The following ANO9 variants were observed in gnomAD, a reference collection of about 807,000 sequenced individuals.
The protein encoded by ANO9 is anoctamin-9.
Under a neutral mutation model 100.5 loss-of-function variants are expected in ANO9, and 80 were observed. The observed-to-expected ratio is 0.80, with a 90% CI of 0.66 to 0.96. The LOEUF (loss-of-function observed/expected upper bound fraction) is 0.96. Among genes scored for constraint, ANO9 ranks in the 40% least tolerant of loss-of-function variants. The probability of loss-of-function intolerance (pLI) is 0.00; values close to 1 mark genes in which losing one functional copy is unlikely to be tolerated. For missense variants in ANO9, 1,064 were observed against 1,072.7 expected (o/e 0.99, Z 0.11); for synonymous variants, 473 against 435.6 (o/e 1.09, Z -1.07).
chr11:435,916 C>T (rs1164450497), intron 1 of ANO9, among the ~76,000 whole-genome samples: 5 of 150,240 alleles, frequency 3.3e-5, no homozygotes, highest in African/African-American at 1.2e-4. Flanking sequence ...CTAGTATGGT[C>T]TAGTCTAGTC....
chr11:430,441 C>A (rs375510350), intron 7 of ANO9, 38 bp from the exon 8 acceptor site: 5 of 732,980 alleles, frequency 6.8e-6, no homozygotes, highest in African/African-American at 4.2e-5. Flanking sequence ...TGTCAGGGGG[C>A]GGTGGGGGAG....
chr11:433,596 T>A, intron 3 of ANO9, 137 bp from the exon 4 acceptor site: 2 of 1,428,126 alleles, frequency 1.4e-6, no homozygotes, highest in Admixed American at 5.1e-5. Flanking sequence ...CATCTGCCGC[T>A]GTGGCCCAGA....
intron 1 of ANO9, among the ~76,000 whole-genome samples, chr11:437,636 G>A (rs1282696021): frequency 3.3e-5 from 5 of 152,184 alleles, no homozygotes; most frequent in Non-Finnish European, 4.4e-5. Context: ...AGGAAGGGGC[G>A]TGGCACCTGC....
chr11:436,572 A>G (rs1849563887), intron 1 of ANO9, among the ~76,000 whole-genome samples: 1 of 150,694 alleles, frequency 6.6e-6, no homozygotes, highest in African/African-American at 2.4e-5. Context: ...CACGGCTAGT[A>G]CCAGTCCTTG....
chr11:424,728 C>CCCCT (rs965494708), intron 15 of ANO9, among the ~76,000 whole-genome samples: 5 of 151,970 alleles, frequency 3.3e-5, no homozygotes, highest in Non-Finnish European at 7.4e-5. Flanking sequence ...CAGATGAGAA[C>CCCCT]TCAGGGAGAA....
intron 5 of ANO9, 29 bp downstream of exon 5, chr11:431,970 C>T: frequency 1.2e-6 from 2 of 1,612,764 alleles, no homozygotes; most frequent in East Asian, 2.2e-5. Flanking sequence ...CCCGCAGCGC[C>T]CCTGTCAGTG....
At chr11:419,498 A>T in intron 20 of ANO9, 84 bp downstream of exon 20, 1 of 1,541,230 alleles carries the variant, frequency 6.5e-7, no homozygotes, top group South Asian at 1.2e-5. Context: ...AGCCATTCCC[A>T]GGAGAAAGGG....
chr11:441,516 C>T (rs781470954), intron 1 of ANO9, among the ~76,000 whole-genome samples: 1 of 152,110 alleles, frequency 6.6e-6, no homozygotes, highest in Non-Finnish European at 1.5e-5. Context: ...CCCGCTCCCC[C>T]TTAGGGGCCA....
At chr11:427,624 C>G (rs1016869440) in intron 15 of ANO9, among the ~76,000 whole-genome samples, 30 of 152,088 alleles carry the variant, frequency 2.0e-4, no homozygotes, top group African/African-American at 7.0e-4. Flanking sequence ...CCCAGCTACT[C>G]AGGAGACCCA....
rs1190066494 is a variant in ANO9 at position 429,593 on chromosome 11, G to A, written c.892C>T (p.Leu298=). ...QRARVVLHWD[L]YVWDEEQEEM... ...ACCTGTTCCTCGTCCCACACGTACAGGTCCCAGTGCAGGACCACGCGGGCG... is the reference window on the plus strand; with the variant it reads ...ACCTGTTCCTCGTCCCACACGTACAAGTCCCAGTGCAGGACCACGCGGGCG... The change falls in exon 11 of 23, where the codon CTG becomes TTG. Residue 298 remains leucine (L), a synonymous_variant. Coordinates refer to ENST00000332826, the MANE Select transcript of ANO9 (RefSeq NM_001012302.3). The A allele has an allele frequency of 4.3e-6, 7 of 1,612,490 alleles. No homozygotes were observed. In the South Asian group the frequency reaches 7.7e-5, roughly 18 times the overall value.
At chr11:423,061 C>T (rs1051461232) in intron 15 of ANO9, among the ~76,000 whole-genome samples, 28 of 152,142 alleles carry the variant, frequency 1.8e-4, no homozygotes, top group Admixed American at 4.6e-4. Context: ...AACTCCTGAC[C>T]TCATGATCCG....
Position 433,901 on chromosome 11 carries a change from C to A in ANO9, c.118G>T (p.Ala40Ser), listed in dbSNP as rs1849244818. The part of the protein sequence containing the change: ...ASEQWDYVLV[A>S]QRHTQRDPRQ... The stretch of plus-strand genomic sequence containing the variant: ...GGGTCTCTCTGGGTGTGACGTTGGG[C>A]CACGAGGACATAGTCCCACTGCTCG... Residue 40 changes from alanine (A) to serine (S), a missense_variant, in exon 3 of 23, where the codon GCC (alanine) becomes TCC (serine). Physicochemically the swap from Ala to Ser is moderately conservative, Grantham distance 99. Coordinates refer to ENST00000332826, the MANE Select transcript of ANO9 (RefSeq NM_001012302.3). The A allele has an allele frequency of 6.4e-7, 1 of 1,563,686 alleles. No individual in the cohort carries two copies. The highest frequency in any genetic ancestry group is 8.7e-7 in the Non-Finnish European group (1 of 1,154,062).
chr11:437,754 C>T (rs1025911653), intron 1 of ANO9, among the ~76,000 whole-genome samples: 1 of 152,196 alleles, frequency 6.6e-6, no homozygotes, highest in Non-Finnish European at 1.5e-5. Context: ...AGCTTGCCTC[C>T]GTAGGGGCCC....
In ANO9 at chr11:422,846, T is replaced by C. The variant is rs1383336787; in HGVS notation, c.1335-1648A>G. ...GTCCCACAGAATTTTTTTTTTTTTTTTCAGACAGAGTCTTGCTCTGTCACC... is the reference window on the plus strand; with the variant it reads ...GTCCCACAGAATTTTTTTTTTTTTTCTCAGACAGAGTCTTGCTCTGTCACC... On this transcript the variant is annotated intron_variant, in intron 15 of 22. Coordinates refer to ENST00000332826, the MANE Select transcript of ANO9 (RefSeq NM_001012302.3). The surrounding 1 kb of genome is among the most constrained non-coding windows in gnomAD (Gnocchi z 4.3). 2.0e-5 allele frequency among the ~76,000 whole-genome samples: 3 copies of C among 152,064 alleles called. No individual in the cohort carries two copies. The highest frequency in any genetic ancestry group is 3.2e-3 in the Middle Eastern group (1 of 316).
Position 430,148 on chromosome 11 carries a change from TGAG to T in ANO9, c.703_705del (p.Leu235del). ...CGGCTGTGGTCGCCGAGGGGACACATGAGGATGTCGTGGGCCTCACAGATCTCC... is the reference window on the plus strand; with the variant it reads ...CGGCTGTGGTCGCCGAGGGGACACATGATGTCGTGGGCCTCACAGATCTCC... On this transcript the variant is annotated inframe_deletion, in exon 9 of 23. Transcript: ENST00000332826. 3.2e-6 allele frequency: 5 copies of T among 1,553,488 alleles called. No individual in the cohort carries two copies. The highest frequency in any genetic ancestry group is 4.4e-6 in the Non-Finnish European group (5 of 1,148,962).
rs975906927 is a variant in ANO9 at position 419,878 on chromosome 11, C to T, written c.1787-149G>A. 3 of 1,449,698 alleles carry T rather than the reference C, an allele frequency of 2.1e-6. No individual in the cohort carries two copies. The African/African-American group carries it at 4.3e-5, about 21-fold the overall frequency. 89.8% of individuals were successfully genotyped at this position (1,449,698 alleles called of 1,614,324 possible). On this transcript the variant is annotated intron_variant, in intron 19 of 22. Coordinates refer to ENST00000332826, the MANE Select transcript of ANO9 (RefSeq NM_001012302.3). ...AGGGCTGCAGTATTCACAAGGAAGTCCCCAGCCATGGCAGAGCATGGCCTC... is the reference window on the plus strand; with the variant it reads ...AGGGCTGCAGTATTCACAAGGAAGTTCCCAGCCATGGCAGAGCATGGCCTC...
At chr11:436,300 C>T (rs923671355) in intron 1 of ANO9, among the ~76,000 whole-genome samples, 1 of 152,078 alleles carries the variant, frequency 6.6e-6, no homozygotes, top group Admixed American at 6.5e-5. Context: ...CTCCCGACCT[C>T]GGGTGATCCA....
chr11:439,073 A>G (rs9704082), intron 1 of ANO9, among the ~76,000 whole-genome samples: 130,375 of 152,186 alleles, frequency 0.86, 56,334 homozygotes, highest in East Asian at 1. Flanking sequence ...TCGTCTGTAC[A>G]ACAGGGTGTC....
In ANO9 at chr11:422,884, C is replaced by A. The variant is rs1002284994; in HGVS notation, c.1335-1686G>T. ...TTGCTCTGTCACCCAGGCTGGAGTG[C>A]AATGGCATGATCTTGGCTCACTACA... On this transcript the variant is annotated intron_variant, in intron 15 of 22. Coordinates refer to ENST00000332826, the MANE Select transcript of ANO9 (RefSeq NM_001012302.3). This position sits in a 1 kb window ranked among gnomAD's most constrained non-coding sequence, Gnocchi z 4.3. Among the ~76,000 whole-genome samples the A allele has an allele frequency of 6.6e-6, 1 of 150,598 alleles. No individual in the cohort carries two copies. Among genetic ancestry groups the A allele is most frequent in the East Asian group, 1.9e-4 (1 of 5,154 alleles).
Sources: gnomAD v4.1 joint callset for allele counts (sites outside exome capture counted in the v4.1 genomes callset) on GRCh38, gnomAD v4.1.1 for gene constraint, Gnocchi (gnomAD v3.1) non-coding constraint, MANE v1.5 for transcripts, NCBI Gene and HGNC (gene_info 2026-07-23, HGNC 2026-07-21) for gene names.